Variants in MAMDC2 observed in about 807,000 individuals in gnomAD.
MAMDC2 encodes MAM domain-containing protein 2.
Under a neutral mutation model 89.8 loss-of-function variants are expected in MAMDC2, and 57 were observed. The ratio of observed to expected loss-of-function variants is 0.63; its 90% CI spans 0.51 to 0.79. MAMDC2 has a LOEUF of 0.79. Ranked by LOEUF, MAMDC2 falls within the 30% of genes least tolerant of loss-of-function variation. MAMDC2 has a pLI of 0.00. For missense variants in MAMDC2, 800 were observed against 820.6 expected (o/e 0.97, Z 0.31); for synonymous variants, 313 against 293.4 (o/e 1.07, Z -0.68).
chr9:70,155,260 C>T (rs988310683), intron 9 of MAMDC2, among the ~76,000 whole-genome samples: 8 of 152,132 alleles, frequency 5.3e-5, no homozygotes, highest in African/African-American at 1.7e-4. Context: ...TATTTTCACT[C>T]GCAAATTTCC....
chr9:70,060,392 G>A (rs1450989814), intron 2 of MAMDC2, among the ~76,000 whole-genome samples: 1 of 152,136 alleles, frequency 6.6e-6, no homozygotes, highest in Non-Finnish European at 1.5e-5. Context: ...CGAGCATCAT[G>A]GAGACTTCCT....
chr9:70,086,102 T>C (rs895310538), intron 2 of MAMDC2: 3 of 152,086 alleles, frequency 2.0e-5, no homozygotes, highest in Non-Finnish European at 4.4e-5. Flanking sequence ...ACTATAGTGG[T>C]GGACAACAAT....
chr9:70,138,449 C>A (rs1031416683), intron 7 of MAMDC2, among the ~76,000 whole-genome samples: 1 of 152,104 alleles, frequency 6.6e-6, no homozygotes, highest in African/African-American at 2.4e-5. Context: ...GATCAAATGG[C>A]AGTTCTATTT....
At chr9:70,170,167 A>G (rs1254588619) in intron 10 of MAMDC2, 2 of 295,570 alleles carry the variant, frequency 6.8e-6, no homozygotes, top group Admixed American at 5.0e-5. Context: ...AAGGCAATAT[A>G]CCTATAATTT....
At chr9:70,096,636 T>C (rs1343074746) in intron 2 of MAMDC2, among the ~76,000 whole-genome samples, 1 of 152,168 alleles carries the variant, frequency 6.6e-6, no homozygotes, top group Non-Finnish European at 1.5e-5. Context: ...AAATTGGGGT[T>C]CTGTAATGAG....
intron 2 of MAMDC2, chr9:70,090,681 G>C (rs1051144787): frequency 2.6e-5 from 4 of 152,120 alleles, no homozygotes; most frequent in African/African-American, 4.8e-5. Flanking sequence ...CTTCAGGAAT[G>C]AAAGTGTGGG....
intron 11 of MAMDC2, among the ~76,000 whole-genome samples, chr9:70,192,370 C>A (rs1404244242): frequency 6.6e-6 from 1 of 151,974 alleles, no homozygotes; most frequent in Non-Finnish European, 1.5e-5. Context: ...AAAATATACT[C>A]TTTCTTCTGC....
intron 2 of MAMDC2, among the ~76,000 whole-genome samples, chr9:70,069,007 CA>C (rs1275903729): frequency 2.0e-5 from 3 of 152,152 alleles, no homozygotes; most frequent in African/African-American, 7.2e-5. Flanking sequence ...AAGAATGGTT[CA>C]ATGTGATTGC....
intron 12 of MAMDC2, among the ~76,000 whole-genome samples, chr9:70,223,002 G>T (rs2033592456): frequency 6.6e-6 from 1 of 151,958 alleles, no homozygotes; most frequent in South Asian, 2.1e-4. Flanking sequence ...AGCCAGGTTT[G>T]GTGGTGCATG....
chr9:70,127,134 A>G (rs1468456382), intron 6 of MAMDC2, among the ~76,000 whole-genome samples: 3 of 152,210 alleles, frequency 2.0e-5, no homozygotes, highest in East Asian at 1.9e-4. Flanking sequence ...GTATCTATGT[A>G]TGTATTTCAG....
intron 7 of MAMDC2, among the ~76,000 whole-genome samples, chr9:70,139,198 G>A (rs1380586679): frequency 1.3e-5 from 2 of 148,254 alleles, no homozygotes; most frequent in African/African-American, 5.0e-5. Context: ...GTATACATGT[G>A]CCATGCTGGT....
chr9:70,117,829 T>C (rs2030080127), intron 5 of MAMDC2, among the ~76,000 whole-genome samples: 1 of 152,202 alleles, frequency 6.6e-6, no homozygotes, highest in South Asian at 2.1e-4. Context: ...ACCTGTAATA[T>C]AGTTCTGTGC....
At chr9:70,217,181 G>A (rs768723947) in intron 11 of MAMDC2, 10 of 701,558 alleles carry the variant, frequency 1.4e-5, no homozygotes, top group Admixed American at 6.2e-5. Context: ...TTCTCTTCCC[G>A]TGGAGCCGTC....
rs147219318 is a variant in MAMDC2, at chr9:70,112,858, A to G, written c.506-137A>G. The stretch of plus-strand genomic sequence containing the variant: ...TCTCTCTTCTTGGCCAAAATTGTGC[A>G]GGGGTCCTGGTAGAAAGGTTGCAGT... On this transcript the variant is annotated intron_variant, in intron 4 of 13. Transcript: ENST00000377182. 1,321 of 1,013,058 alleles carry G rather than the reference A, an allele frequency of 1.3e-3. 17 individuals are homozygous for G. The African/African-American group carries it at 0.019, about 15-fold the overall frequency. The allele number at this position is 1,013,058 out of a possible 1,614,324, so 62.8% of individuals were successfully genotyped here. A position where few individuals can be genotyped will look rare whatever the true frequency, so the allele number is the denominator to read the frequency against.
At chr9:70,141,172 C>A (rs1329414803) in intron 8 of MAMDC2, among the ~76,000 whole-genome samples, 1 of 152,162 alleles carries the variant, frequency 6.6e-6, no homozygotes, top group Non-Finnish European at 1.5e-5. Context: ...ATTTTGTATT[C>A]TTTTCTTAGA....
intron 11 of MAMDC2, among the ~76,000 whole-genome samples, chr9:70,182,561 ACTT>A (rs1393620149): frequency 6.6e-6 from 1 of 152,104 alleles, no homozygotes; most frequent in East Asian, 1.9e-4. Flanking sequence ...CAGGGATTCT[ACTT>A]CTTCCTGATT....
chr9:70,186,064 G>GTT (rs149035167), intron 11 of MAMDC2, among the ~76,000 whole-genome samples: 4 of 150,214 alleles, frequency 2.7e-5, no homozygotes, highest in African/African-American at 4.9e-5. Context: ...TTTACAAGTT[G>GTT]TTTTTTTTTC....
At chr9:70,211,344 T>C (rs1453114933) in intron 11 of MAMDC2, among the ~76,000 whole-genome samples, 2 of 152,212 alleles carry the variant, frequency 1.3e-5, no homozygotes, top group Non-Finnish European at 2.9e-5. Flanking sequence ...TTTTTTTCTC[T>C]AAACGTCTCT....
chr9:70,085,546 T>TA (rs1288238337), intron 2 of MAMDC2, among the ~76,000 whole-genome samples: 2 of 152,148 alleles, frequency 1.3e-5, no homozygotes, highest in Non-Finnish European at 2.9e-5. Context: ...TGACTTTGTC[T>TA]AATCCTGACG....
Sources: allele counts gnomAD v4.1 joint callset (sites outside exome capture counted in the v4.1 genomes callset), GRCh38; gene constraint gnomAD v4.1.1; transcripts MANE v1.5; gene names NCBI Gene and HGNC (gene_info 2026-07-23, HGNC 2026-07-21).